MTHFD2L: variants seen among roughly 807,000 people sequenced by gnomAD.
The protein encoded by MTHFD2L is bifunctional methylenetetrahydrofolate dehydrogenase/cyclohydrolase 2, mitochondrial.
In MTHFD2L, 29 loss-of-function variants were observed where a neutral mutation model predicts 34.9. The ratio of observed to expected loss-of-function variants is 0.83; its 90% CI spans 0.62 to 1.13. The LOEUF (loss-of-function observed/expected upper bound fraction) is 1.13, where lower values mean the gene tolerates loss of function less well. MTHFD2L is among the 50% of genes most tolerant of loss of function. MTHFD2L has a pLI of 0.00. For missense variants in MTHFD2L, 481 were observed against 446.5 expected, an observed-to-expected ratio of 1.08 and a Z score of -0.70; for synonymous variants, 167 against 155.7, an observed-to-expected ratio of 1.07 and a Z score of -0.54.
intron 7 of MTHFD2L, among the ~76,000 whole-genome samples, chr4:74,297,471 GAC>G (rs1749771121): frequency 6.6e-6 from 1 of 151,914 alleles, no homozygotes; most frequent in South Asian, 2.1e-4. Context: ...CCCTTAAACA[GAC>G]ACAAATATGC....
In MTHFD2L at chr4:74,241,278, A is replaced by G. The variant is rs922938296; in HGVS notation, c.805+15884A>G. Among the ~76,000 whole-genome samples, 4 of 152,358 alleles carry G rather than the reference A, an allele frequency of 2.6e-5. No individual in the cohort carries two copies. In the East Asian group the frequency reaches 5.8e-4, roughly 22 times the overall value. On this transcript the variant is annotated intron_variant, in intron 6 of 7. Transcript: ENST00000325278. The stretch of plus-strand genomic sequence containing the variant: ...AAGCCCGTCGAATTATCCAGATGAC[A>G]TTAATAACTTGTTCTATAATATTAT...
intron 6 of MTHFD2L, chr4:74,266,829 A>G: frequency 1.0e-6 from 1 of 985,002 alleles, no homozygotes; most frequent in Non-Finnish European, 1.2e-6. Context: ...GGAGAAGGGA[A>G]AATCTAAGAC....
In MTHFD2L at chr4:74,210,801, G is replaced by A. The variant is rs567048524; in HGVS notation, c.712+9431G>A. Among the ~76,000 whole-genome samples, 15 of 152,198 alleles carry A rather than the reference G, an allele frequency of 9.9e-5. No individual in the cohort carries two copies. The South Asian group carries it at 3.1e-3, about 32-fold the overall frequency. On this transcript the variant is annotated intron_variant, in intron 5 of 7. Transcript: ENST00000325278. Reference sequence around the variant, plus strand: ...GCAGTATGGCCATTTTCATGATATTGATTCTTCCTGTCCATGAGCATGGAA... The same window carrying A: ...GCAGTATGGCCATTTTCATGATATTAATTCTTCCTGTCCATGAGCATGGAA...
chr4:74,203,245 A>G (rs776684991), intron 5 of MTHFD2L, among the ~76,000 whole-genome samples: 2 of 151,104 alleles, frequency 1.3e-5, no homozygotes, highest in Non-Finnish European at 3.0e-5. Context: ...ATCCAGTGGT[A>G]TGACAGTTTT....
chr4:74,283,837 A>T (rs930595092), intron 7 of MTHFD2L, among the ~76,000 whole-genome samples: 2 of 152,158 alleles, frequency 1.3e-5, no homozygotes, highest in Non-Finnish European at 2.9e-5. Flanking sequence ...CCACAGGAGC[A>T]GGCAAGTGAT....
At chr4:74,167,588 CAA>C (rs1385636303) in intron 1 of MTHFD2L, among the ~76,000 whole-genome samples, 1 of 152,180 alleles carries the variant, frequency 6.6e-6, no homozygotes, top group African/African-American at 2.4e-5. Context: ...GAAAACATCA[CAA>C]GAGTGTTTTA....
intron 7 of MTHFD2L, among the ~76,000 whole-genome samples, chr4:74,290,433 A>C (rs995223551): frequency 1.3e-5 from 2 of 152,182 alleles, no homozygotes; most frequent in Non-Finnish European, 2.9e-5. Context: ...AGTCAAGCTA[A>C]CTTGGGTTTG....
chr4:74,241,937 T>C (rs1487256581), intron 6 of MTHFD2L: 2 of 154,370 alleles, frequency 1.3e-5, no homozygotes, highest in Admixed American at 6.5e-5. Flanking sequence ...AGTGACAAAA[T>C]TAGCGGTTTC....
chr4:74,284,006 C>A (rs1265834677), intron 7 of MTHFD2L, among the ~76,000 whole-genome samples: 1 of 152,120 alleles, frequency 6.6e-6, no homozygotes, highest in Non-Finnish European at 1.5e-5. Flanking sequence ...GTGGTGGCTG[C>A]TTTGTGAGTA....
At chr4:74,262,923 CGTT>C (rs1382399600) in intron 6 of MTHFD2L, among the ~76,000 whole-genome samples, 1 of 151,830 alleles carries the variant, frequency 6.6e-6, no homozygotes, top group Non-Finnish European at 1.5e-5. Flanking sequence ...TATTACAGCT[CGTT>C]GGTGATAGTA....
intron 1 of MTHFD2L, chr4:74,165,083 A>G: frequency 1.8e-6 from 1 of 557,252 alleles, no homozygotes; most frequent in Non-Finnish European, 2.3e-6. Context: ...TAGAGTAAAA[A>G]GGGGCACGAA....
At chr4:74,226,664 T>C (rs1490651617) in intron 6 of MTHFD2L, among the ~76,000 whole-genome samples, 6 of 152,194 alleles carry the variant, frequency 3.9e-5, no homozygotes, top group Admixed American at 2.6e-4. Context: ...TACTTTTGAA[T>C]AGCAAAGATA....
Position 74,270,949 on chromosome 4 carries a change from G to T in MTHFD2L, c.806-10476G>T, listed in dbSNP as rs544388167. On this transcript the variant is annotated intron_variant, in intron 6 of 7. Transcript: ENST00000325278. Reference sequence around the variant, plus strand: ...AGGATGAGCATTTTTTCATGTGTCTGTTGGCTGCATAAATGTCTTCTTTTG... The same window carrying T: ...AGGATGAGCATTTTTTCATGTGTCTTTTGGCTGCATAAATGTCTTCTTTTG... Among the ~76,000 whole-genome samples the T allele has an allele frequency of 2.6e-4, 40 of 152,178 alleles. 1 individual carries two copies. The highest frequency in any genetic ancestry group is 4.2e-4 in the South Asian group (2 of 4,814).
In MTHFD2L at chr4:74,290,247, A is replaced by C. The variant is rs538402266; in HGVS notation, c.931+8697A>C. Among the ~76,000 whole-genome samples the C allele has an allele frequency of 3.9e-5, 6 of 152,310 alleles. No homozygotes were observed. In the East Asian group the frequency reaches 9.6e-4, roughly 24 times the overall value. ...AGGAAAGGGTTTGGAATTACATAGA[A>C]GCTCAGTATCATTATCCTAAGAAAC... is the stretch of plus-strand genomic sequence containing the variant. On this transcript the variant is annotated intron_variant, in intron 7 of 7. Transcript: ENST00000325278.
At chr4:74,297,867 G>C (rs1193902811) in intron 7 of MTHFD2L, among the ~76,000 whole-genome samples, 1 of 152,086 alleles carries the variant, frequency 6.6e-6, no homozygotes, top group Non-Finnish European at 1.5e-5. Context: ...AAAATCATTA[G>C]AGTAGAGAAT....
chr4:74,254,730 T>G (rs888063425), intron 6 of MTHFD2L, among the ~76,000 whole-genome samples: 1 of 152,142 alleles, frequency 6.6e-6, no homozygotes, highest in Non-Finnish European at 1.5e-5. Context: ...AAGAATATAG[T>G]CAAGTTCAAC....
At chr4:74,259,004 C>T (rs1744366703) in intron 6 of MTHFD2L, among the ~76,000 whole-genome samples, 1 of 152,210 alleles carries the variant, frequency 6.6e-6, no homozygotes, top group Admixed American at 6.5e-5. Context: ...AACATTTACT[C>T]AAGAAATTCT....
At chr4:74,262,990 A>G (rs1227770485) in intron 6 of MTHFD2L, among the ~76,000 whole-genome samples, 1 of 152,002 alleles carries the variant, frequency 6.6e-6, no homozygotes, top group Non-Finnish European at 1.5e-5. Context: ...GTGTGTACTT[A>G]TCTCTCAACT....
At chr4:74,299,012 A>G (rs1395476563) in intron 7 of MTHFD2L, among the ~76,000 whole-genome samples, 1 of 151,972 alleles carries the variant, frequency 6.6e-6, no homozygotes, top group Non-Finnish European at 1.5e-5. Context: ...AAACAGCATA[A>G]TTCTTGGCAA....
Sources: gnomAD v4.1 joint callset for allele counts (sites outside exome capture counted in the v4.1 genomes callset) on GRCh38, gnomAD v4.1.1 for gene constraint, MANE v1.5 for transcripts, NCBI Gene and HGNC (gene_info 2026-07-23, HGNC 2026-07-21) for gene names.